The following C1orf21 variants were observed in gnomAD, a reference collection of about 807,000 sequenced individuals.
C1orf21 encodes the protein uncharacterized protein C1orf21.
In C1orf21, 3 loss-of-function variants were observed where a neutral mutation model predicts 18.7. The ratio of observed to expected loss-of-function variants is 0.16; its 90% confidence interval spans 0.07 to 0.42. The LOEUF (loss-of-function observed/expected upper bound fraction) is 0.42, where lower values mean the gene tolerates loss of function less well. Among genes scored for constraint, C1orf21 ranks in the 10% least tolerant of loss-of-function variants. The pLI is 0.99. For missense variants in C1orf21, 104 were observed against 143.6 expected, an observed-to-expected ratio of 0.72 and a Z score of 1.41; for synonymous variants, 41 against 46.4, an observed-to-expected ratio of 0.88 and a Z score of 0.47.
intron 3 of C1orf21, among the ~76,000 whole-genome samples, chr1:184,526,047 C>A (rs1201419817): frequency 1.3e-5 from 2 of 152,096 alleles, no homozygotes; most frequent in African/African-American, 4.8e-5. Context: ...TGAAGCTATT[C>A]CCATTATTTA....
chr1:184,509,253 T>G (rs1658110439), intron 3 of C1orf21, among the ~76,000 whole-genome samples: 1 of 152,216 alleles, frequency 6.6e-6, no homozygotes, highest in African/African-American at 2.4e-5. Flanking sequence ...ACTTTTTTCC[T>G]TCTCTCGCAG....
chr1:184,388,287 C>T (rs1335859375), intron 1 of C1orf21, among the ~76,000 whole-genome samples: 1 of 152,162 alleles, frequency 6.6e-6, no homozygotes, highest in Non-Finnish European at 1.5e-5. Context: ...CCTCTTTGCT[C>T]CAAGAGTTGC....
At chr1:184,475,780 T>C (rs1557981785) in intron 1 of C1orf21, among the ~76,000 whole-genome samples, 2 of 137,718 alleles carry the variant, frequency 1.5e-5, no homozygotes, top group African/African-American at 5.4e-5. Flanking sequence ...TGTGTGTGTG[T>C]GTCCATCCAC....
chr1:184,416,491 A>AGCATTTC, intron 1 of C1orf21, among the ~76,000 whole-genome samples: 1 of 152,232 alleles, frequency 6.6e-6, no homozygotes, highest in Admixed American at 6.5e-5. Context: ...TTTTATACTA[A>AGCATTTC]TCCCAAATAA....
At chr1:184,590,686 T>C in intron 3 of C1orf21, 53 bp from the exon 4 acceptor site, 1 of 1,523,112 alleles carries the variant, frequency 6.6e-7, no homozygotes, top group Non-Finnish European at 9.1e-7. Flanking sequence ...ATACACTTGT[T>C]TAATTGTGGA....
intron 5 of C1orf21, among the ~76,000 whole-genome samples, chr1:184,605,964 G>T (rs1659642001): frequency 6.6e-6 from 1 of 152,170 alleles, no homozygotes; most frequent in African/African-American, 2.4e-5. Flanking sequence ...TTAGAAACTT[G>T]GATCCTGCGT....
intron 1 of C1orf21, among the ~76,000 whole-genome samples, chr1:184,395,082 A>G (rs1029529246): frequency 2.6e-5 from 4 of 152,152 alleles, no homozygotes; most frequent in Non-Finnish European, 4.4e-5. Context: ...ACCTCCTCCA[A>G]GGAGCCCTTT....
chr1:184,614,910 G>C (rs971268529), intron 5 of C1orf21, among the ~76,000 whole-genome samples: 5 of 152,168 alleles, frequency 3.3e-5, no homozygotes, highest in Admixed American at 6.5e-5. Context: ...CATGCTGTGT[G>C]GCCTAATTCC....
intron 1 of C1orf21, among the ~76,000 whole-genome samples, chr1:184,409,422 A>G (rs577094844): frequency 1.2e-3 from 190 of 152,274 alleles, no homozygotes; most frequent in African/African-American, 4.4e-3. Context: ...ATTGCAGAAA[A>G]TGACCCACAG....
At chr1:184,598,579 T>C in intron 5 of C1orf21, 118 bp downstream of exon 5, 1 of 1,019,818 alleles carries the variant, frequency 9.8e-7, no homozygotes, top group Non-Finnish European at 1.4e-6. Flanking sequence ...AAGGTTTGGG[T>C]GGAGAGTTAA....
intron 1 of C1orf21, among the ~76,000 whole-genome samples, chr1:184,399,247 A>G (rs1445521636): frequency 2.7e-5 from 4 of 148,992 alleles, no homozygotes; most frequent in African/African-American, 9.9e-5. Context: ...TTTTTATTAT[A>G]TTTCTCTGTT....
chr1:184,568,105 C>G (rs555904295), intron 3 of C1orf21, among the ~76,000 whole-genome samples: 1 of 152,306 alleles, frequency 6.6e-6, no homozygotes, highest in African/African-American at 2.4e-5. Context: ...CTCTCTCTAG[C>G]CTAAAGTTTG....
chr1:184,410,632 T>A (rs1328430794), intron 1 of C1orf21, among the ~76,000 whole-genome samples: 1 of 3,266 alleles, frequency 3.1e-4, no homozygotes, highest in Non-Finnish European at 4.7e-4. Flanking sequence ...TATATATATA[T>A]ATATATATAT....
intron 2 of C1orf21, 50 bp downstream of exon 2, chr1:184,477,653 C>CT: frequency 1.0e-4 from 146 of 1,445,716 alleles, no homozygotes; most frequent in Non-Finnish European, 1.2e-4. Context: ...AGGCCTTTCA[C>CT]TTTTTTTTAT....
chr1:184,531,301 C>G (rs1658459438), intron 3 of C1orf21, among the ~76,000 whole-genome samples: 1 of 152,150 alleles, frequency 6.6e-6, no homozygotes, highest in Non-Finnish European at 1.5e-5. Flanking sequence ...GGTTACATCT[C>G]TACACTCTAT....
At chr1:184,397,918 A>G (rs1656087951) in intron 1 of C1orf21, among the ~76,000 whole-genome samples, 1 of 152,222 alleles carries the variant, frequency 6.6e-6, no homozygotes, top group African/African-American at 2.4e-5. Context: ...AATGATTGCT[A>G]TTTGATTCCA....
rs547752869 is a variant in C1orf21 at position 184,595,497 on chromosome 1, G to A, written c.267-2904G>A. Among the ~76,000 whole-genome samples the A allele has an allele frequency of 1.3e-4, 20 of 152,280 alleles. No individual in the cohort carries two copies. In the South Asian group the frequency reaches 3.5e-3, roughly 27 times the overall value. ...TGGATAAGTTTCTTTCACATGGGAA[G>A]AGGGGACCCATGTTTATCTAGACAG... On this transcript the variant is annotated intron_variant, in intron 4 of 5. Transcript: ENST00000235307.
intron 1 of C1orf21, among the ~76,000 whole-genome samples, chr1:184,413,861 AGAG>A (rs1656404730): frequency 6.6e-6 from 1 of 152,218 alleles, no homozygotes; most frequent in Non-Finnish European, 1.5e-5. Context: ...TCAAAATCAG[AGAG>A]GAGGAGCAAG....
At chr1:184,414,945 G>A (rs986867395) in intron 1 of C1orf21, among the ~76,000 whole-genome samples, 1 of 152,264 alleles carries the variant, frequency 6.6e-6, no homozygotes, top group South Asian at 2.1e-4. Context: ...GTTTTTCAAC[G>A]TTTGAGATTG....
Sources: allele counts gnomAD v4.1 joint callset (sites outside exome capture counted in the v4.1 genomes callset), GRCh38; gene constraint gnomAD v4.1.1; transcripts MANE v1.5; gene names NCBI Gene and HGNC (gene_info 2026-07-23, HGNC 2026-07-21).